The following NIBAN1 variants were observed in gnomAD, a reference collection of about 807,000 sequenced individuals.
NIBAN1 encodes the protein protein Niban 1.
In NIBAN1, 81 loss-of-function variants were observed where a neutral mutation model predicts 75.1. The observed-to-expected ratio is 1.08, with a 90% confidence interval of 0.90 to 1.30. The LOEUF is 1.30. Among genes scored for constraint, NIBAN1 ranks in the 50% most tolerant of loss-of-function variants. The pLI, the probability that NIBAN1 is intolerant of heterozygous loss-of-function variation, is 0.00. For synonymous variants in NIBAN1, 436 were observed against 424.8 expected, an observed-to-expected ratio of 1.03 and a Z score of -0.32; for missense variants, 1,133 against 1,128.1, an observed-to-expected ratio of 1.00 and a Z score of -0.06.
intron 1 of NIBAN1, among the ~76,000 whole-genome samples, chr1:184,937,632 A>G (rs1381056326): frequency 6.6e-6 from 1 of 152,234 alleles, no homozygotes; most frequent in African/African-American, 2.4e-5. Context: ...TTGCAAACAC[A>G]GTAAATGTGA....
At chr1:184,832,007 G>C (rs1655013758) in intron 5 of NIBAN1, 45 bp from the exon 6 acceptor site, 1 of 1,391,398 alleles carries the variant, frequency 7.2e-7, no homozygotes, top group African/African-American at 1.4e-5. Context: ...AAACACTCTA[G>C]ATTTCCCCAT....
At chr1:184,838,917 A>AC (rs1205044835) in intron 5 of NIBAN1, among the ~76,000 whole-genome samples, 1 of 152,228 alleles carries the variant, frequency 6.6e-6, no homozygotes, top group Non-Finnish European at 1.5e-5. Flanking sequence ...CTATGCTGCT[A>AC]CGGGGCTCAT....
intron 9 of NIBAN1, among the ~76,000 whole-genome samples, chr1:184,812,318 A>G (rs1654404510): frequency 6.6e-6 from 1 of 152,166 alleles, no homozygotes; most frequent in Non-Finnish European, 1.5e-5. Flanking sequence ...TGGCTAATGT[A>G]TATGTTTTAT....
chr1:184,869,790 C>T (rs572334020), intron 5 of NIBAN1, among the ~76,000 whole-genome samples: 2 of 152,308 alleles, frequency 1.3e-5, no homozygotes, highest in South Asian at 4.1e-4. Flanking sequence ...GACCCACCCA[C>T]CTTGGCCTCC....
intron 5 of NIBAN1, among the ~76,000 whole-genome samples, chr1:184,862,372 A>C (rs1166127856): frequency 6.6e-6 from 1 of 151,438 alleles, no homozygotes; most frequent in Non-Finnish European, 1.5e-5. Context: ...GTGGCTATTC[A>C]CAGGCGCAAT....
chr1:184,795,420 C>G lies in NIBAN1; in HGVS notation c.2344G>C (p.Gly782Arg), dbSNP rs1653822449. The change falls in exon 14 of 14, where the codon GGG (glycine) becomes CGG (arginine). Residue 782 changes from glycine to arginine, a missense_variant. Gly to Arg is a moderately radical substitution (Grantham distance 125). Coordinates refer to ENST00000367511, the MANE Select transcript of NIBAN1 (RefSeq NM_052966.4). ...EAQPPCPEAHGEELGGFPEVG... is the reference protein window; with the variant it reads ...EAQPPCPEAHREELGGFPEVG... ...TCTGGAAATCCCCCCAACTCCTCCC[C>G]ATGGGCCTCGGGACAGGGAGGTTGG... The G allele has an allele frequency of 6.2e-7, 1 of 1,607,110 alleles. No individual in the cohort carries two copies. The highest frequency in any genetic ancestry group is 1.7e-5 in the Admixed American group (1 of 59,300).
At chr1:184,896,618 G>A (rs1253890186) in intron 2 of NIBAN1, among the ~76,000 whole-genome samples, 1 of 151,778 alleles carries the variant, frequency 6.6e-6, no homozygotes, top group African/African-American at 2.4e-5. Context: ...TTCTTTTCCT[G>A]GGCAAATGTC....
intron 1 of NIBAN1, among the ~76,000 whole-genome samples, chr1:184,918,048 T>C (rs1050838472): frequency 1.3e-5 from 2 of 152,144 alleles, no homozygotes; most frequent in Admixed American, 6.6e-5. Context: ...CTGCCGCATA[T>C]TTCCAAATGT....
Position 184,823,298 on chromosome 1 carries a change from T to C in NIBAN1, c.854A>G (p.His285Arg), listed in dbSNP as rs80112693. ...GGCACTTAATCCTTCTGAAACTTGATGCTGAACCAGGGTGTAGGCCTCCTC... is the reference window on the plus strand; with the variant it reads ...GGCACTTAATCCTTCTGAAACTTGACGCTGAACCAGGGTGTAGGCCTCCTC... ...LLEEAYTLVQ[H>R]QVSEGLSALK... The change falls in exon 8 of 14, where the codon CAT (histidine) becomes CGT (arginine). Residue 285 changes from histidine (H) to arginine (R), a missense_variant. Coordinates refer to ENST00000367511, the MANE Select transcript of NIBAN1 (RefSeq NM_052966.4). 5.6e-6 allele frequency: 9 copies of C among 1,614,064 alleles called. No homozygotes were observed. The highest frequency in any genetic ancestry group is 7.6e-6 in the Non-Finnish European group (9 of 1,180,036).
intron 1 of NIBAN1, among the ~76,000 whole-genome samples, chr1:184,925,971 T>C (rs1279874285): frequency 6.6e-6 from 1 of 152,196 alleles, no homozygotes; most frequent in Non-Finnish European, 1.5e-5. Flanking sequence ...TTAACGCCCT[T>C]TACTTTCAGA....
chr1:184,946,223 C>T (rs1658221381), intron 1 of NIBAN1, among the ~76,000 whole-genome samples: 1 of 152,122 alleles, frequency 6.6e-6, no homozygotes. Flanking sequence ...AGAACTGCTC[C>T]CCTATTACTT....
chr1:184,908,200 C>A (rs1657152445), intron 1 of NIBAN1, among the ~76,000 whole-genome samples: 1 of 152,168 alleles, frequency 6.6e-6, no homozygotes, highest in Non-Finnish European at 1.5e-5. Flanking sequence ...AAAGCAAGCC[C>A]AGTATCTCTA....
intron 1 of NIBAN1, among the ~76,000 whole-genome samples, chr1:184,936,720 T>A (rs79568171): frequency 0.012 from 1,784 of 152,332 alleles, 30 homozygotes; most frequent in African/African-American, 0.04. Flanking sequence ...CGTGTGTGTG[T>A]GTAACCTCCC....
At chr1:184,854,343 A>G (rs1043011411) in intron 5 of NIBAN1, among the ~76,000 whole-genome samples, 7 of 152,352 alleles carry the variant, frequency 4.6e-5, no homozygotes, top group African/African-American at 1.4e-4. Context: ...TTTTATATCA[A>G]TAAAGAAGGG....
intron 5 of NIBAN1, among the ~76,000 whole-genome samples, chr1:184,835,972 C>T (rs2102243704): frequency 6.6e-6 from 1 of 152,306 alleles, no homozygotes; most frequent in South Asian, 2.1e-4. Flanking sequence ...ATGATATTGG[C>T]TGTGGGTTTG....
chr1:184,960,103 T>C (rs570353929), intron 1 of NIBAN1, among the ~76,000 whole-genome samples: 2 of 152,220 alleles, frequency 1.3e-5, no homozygotes, highest in African/African-American at 4.8e-5. Flanking sequence ...AAAGTTAAAA[T>C]AAAGACAAGT....
intron 1 of NIBAN1, among the ~76,000 whole-genome samples, chr1:184,918,718 T>G (rs1253555244): frequency 6.6e-6 from 1 of 152,204 alleles, no homozygotes; most frequent in Non-Finnish European, 1.5e-5. Flanking sequence ...GTCTTTTACC[T>G]GAACCCCCAT....
intron 9 of NIBAN1, among the ~76,000 whole-genome samples, chr1:184,813,810 T>G (rs1399232277): frequency 6.6e-6 from 1 of 152,252 alleles, no homozygotes; most frequent in African/African-American, 2.4e-5. Context: ...AGCTAAGGCC[T>G]GGGACACATG....
At chr1:184,818,861 G>A in intron 8 of NIBAN1, 36 bp from the exon 9 acceptor site, 4 of 1,544,836 alleles carry the variant, frequency 2.6e-6, no homozygotes, top group Non-Finnish European at 3.5e-6. Context: ...CGTGACATAT[G>A]GCAAAACTGG....
Sources: gnomAD v4.1 joint callset for allele counts (sites outside exome capture counted in the v4.1 genomes callset) on GRCh38, gnomAD v4.1.1 for gene constraint, MANE v1.5 for transcripts, NCBI Gene and HGNC (gene_info 2026-07-23, HGNC 2026-07-21) for gene names.